The following DIAPH2 variants were observed in gnomAD, a reference collection of about 807,000 sequenced individuals.
The protein encoded by DIAPH2 is protein diaphanous homolog 2.
A neutral mutation model predicts 92.7 loss-of-function variants in DIAPH2; 35 were observed. The observed-to-expected ratio is 0.38, with a 90% CI of 0.29 to 0.50. The LOEUF (loss-of-function observed/expected upper bound fraction) is 0.50. Ranked by LOEUF, DIAPH2 falls within the 20% of genes least tolerant of loss-of-function variation. The pLI is 0.94. For synonymous variants in DIAPH2, 301 were observed against 280.4 expected (o/e 1.07, Z -0.73); for missense variants, 701 against 819.5 (o/e 0.86, Z 1.77).
chrX:97,293,391 T>G (rs970160070), intron 23 of DIAPH2, among the ~76,000 whole-genome samples: 1 of 109,350 alleles, frequency 9.1e-6, no homozygotes, highest in African/African-American at 3.3e-5. Context: ...TAGCTGGGAT[T>G]ACAGGCATGC....
At chrX:97,470,040 C>A (rs2070549132) in intron 26 of DIAPH2, among the ~76,000 whole-genome samples, 1 of 111,789 alleles carries the variant, frequency 8.9e-6, no homozygotes, top group Non-Finnish European at 1.9e-5. Flanking sequence ...GCAGAACATT[C>A]TGCCAGGCAT....
At chrX:96,743,286 G>GT (rs1234861912) in intron 3 of DIAPH2, among the ~76,000 whole-genome samples, 1 of 110,937 alleles carries the variant, frequency 9.0e-6, no homozygotes, top group East Asian at 2.8e-4. Context: ...TTTATGTTAT[G>GT]TGACCCACAT....
intron 3 of DIAPH2, among the ~76,000 whole-genome samples, chrX:96,741,474 ATTT>A (rs139362386): frequency 4.4e-4 from 31 of 70,087 alleles, no homozygotes; most frequent in Middle Eastern, 6.6e-3. Flanking sequence ...TCTCATCTTA[ATTT>A]TTTTTTTTTT....
intron 4 of DIAPH2, among the ~76,000 whole-genome samples, chrX:96,863,026 T>A (rs2065081069): frequency 9.0e-6 from 1 of 110,507 alleles, no homozygotes. Context: ...GTAATACGTA[T>A]TCTTTCACCT....
chrX:96,857,245 A>C (rs1403479703), intron 4 of DIAPH2, among the ~76,000 whole-genome samples: 2 of 111,622 alleles, frequency 1.8e-5, no homozygotes, highest in African/African-American at 6.5e-5. Flanking sequence ...TATAATGTGA[A>C]TGCTCACTGA....
At chrX:97,052,851 T>C (rs1161315880) in intron 17 of DIAPH2, among the ~76,000 whole-genome samples, 2 of 111,542 alleles carry the variant, frequency 1.8e-5, no homozygotes, top group Non-Finnish European at 3.8e-5. Flanking sequence ...TGTTTGCTTT[T>C]GCTGGGTTGC....
At chrX:96,858,208 C>T (rs188710756) in intron 4 of DIAPH2, among the ~76,000 whole-genome samples, 1 of 111,585 alleles carries the variant, frequency 9.0e-6, no homozygotes, top group South Asian at 3.8e-4. Context: ...TAGGTAAAAT[C>T]ATTCATGGTG....
At chrX:97,281,206 T>C (rs944941063) in intron 23 of DIAPH2, among the ~76,000 whole-genome samples, 5 of 112,022 alleles carry the variant, frequency 4.5e-5, no homozygotes, top group African/African-American at 1.3e-4. Context: ...AAAAGTGATG[T>C]GTATTTATAT....
chrX:96,846,511 A>G (rs2064973469), intron 4 of DIAPH2, among the ~76,000 whole-genome samples: 1 of 112,275 alleles, frequency 8.9e-6, no homozygotes, highest in Non-Finnish European at 1.9e-5. Context: ...AATATTAAGC[A>G]TAGTTAAACT....
chrX:97,364,237 G>C, intron 24 of DIAPH2, among the ~76,000 whole-genome samples: 1 of 111,367 alleles, frequency 9.0e-6, no homozygotes, highest in Non-Finnish European at 1.9e-5. Context: ...AATTTAACCT[G>C]TCTGTTCTGG....
chrX:97,109,729 C>T (rs1000321380), intron 20 of DIAPH2, among the ~76,000 whole-genome samples: 1 of 111,712 alleles, frequency 9.0e-6, no homozygotes, highest in Non-Finnish European at 1.9e-5. Context: ...CCTCTTGAAA[C>T]TATATGTCCT....
At chrX:96,832,467 G>A (rs962459401) in intron 4 of DIAPH2, among the ~76,000 whole-genome samples, 3 of 110,770 alleles carry the variant, frequency 2.7e-5, no homozygotes, top group Non-Finnish European at 5.7e-5. Context: ...GAAGTACAGA[G>A]AGGGGCTCCT....
intron 22 of DIAPH2, among the ~76,000 whole-genome samples, chrX:97,147,448 G>A (rs1324963577): frequency 1.8e-5 from 2 of 109,955 alleles, no homozygotes; most frequent in Non-Finnish European, 3.8e-5. Flanking sequence ...AACATTGCTG[G>A]TTTACTAGAC....
intron 23 of DIAPH2, among the ~76,000 whole-genome samples, chrX:97,286,396 G>A (rs938165089): frequency 2.7e-5 from 3 of 111,019 alleles, no homozygotes; most frequent in African/African-American, 9.8e-5. Context: ...AGCAATAGTA[G>A]CAATCTAAAC....
intron 24 of DIAPH2, among the ~76,000 whole-genome samples, chrX:97,357,268 G>A (rs1003581025): frequency 2.9e-4 from 32 of 111,941 alleles, no homozygotes; most frequent in African/African-American, 1.0e-3. Flanking sequence ...GAAGATCCCT[G>A]AGGTTAATAC....
chrX:97,347,822 G>C (rs890188578), intron 23 of DIAPH2, among the ~76,000 whole-genome samples: 3 of 111,130 alleles, frequency 2.7e-5, no homozygotes, highest in Non-Finnish European at 3.8e-5. Flanking sequence ...AGTGTAAGAA[G>C]AAGCGATTAG....
intron 26 of DIAPH2, among the ~76,000 whole-genome samples, chrX:97,585,548 G>T (rs760812579): frequency 9.9e-6 from 1 of 100,522 alleles, no homozygotes; most frequent in Non-Finnish European, 2.0e-5. Context: ...CACTGTTGAG[G>T]GGGAAAAAGC....
chrX:97,270,306 C>T lies in DIAPH2; in HGVS notation c.2844+22467C>T, dbSNP rs1339054795. 2.7e-5 allele frequency among the ~76,000 whole-genome samples: 3 copies of T among 110,362 alleles called. No homozygotes were observed. In the Admixed American group the frequency reaches 2.9e-4, roughly 11 times the overall value. On this transcript the variant is annotated intron_variant, in intron 23 of 26. Transcript: ENST00000324765. ...CTCGAACTCCTGACCTCAGGTGATC[C>T]GCCCGCCTCGGCCTCCCAAAGTGCT...
intron 17 of DIAPH2, among the ~76,000 whole-genome samples, chrX:97,010,545 G>C (rs1411661038): frequency 5.4e-5 from 6 of 111,480 alleles, no homozygotes; most frequent in Non-Finnish European, 1.1e-4. Flanking sequence ...ACTTCTATTT[G>C]GCCACCTTGT....
Sources: allele counts gnomAD v4.1 joint callset (sites outside exome capture counted in the v4.1 genomes callset), GRCh38; gene constraint gnomAD v4.1.1; transcripts MANE v1.5; gene names NCBI Gene and HGNC (gene_info 2026-07-23, HGNC 2026-07-21).